Variants in PTPRK observed in about 807,000 individuals in gnomAD.
PTPRK encodes protein tyrosine phosphatase receptor type K, also known as receptor-type tyrosine-protein phosphatase kappa.
A neutral mutation model predicts 178.0 loss-of-function variants in PTPRK; 75 were observed. That is an observed-to-expected ratio of 0.42 (90% CI 0.35 to 0.51). PTPRK has a LOEUF of 0.51. Ranked by LOEUF, PTPRK falls within the 20% of genes least tolerant of loss-of-function variation. PTPRK has a pLI of 0.02. For synonymous variants in PTPRK, 637 were observed against 620.6 expected, an observed-to-expected ratio of 1.03 and a Z score of -0.39; for missense variants, 1,441 against 1,797.8, an observed-to-expected ratio of 0.80 and a Z score of 3.59.
At position 128,089,825 on chromosome 6, in the gene PTPRK, C is replaced by T. The variant is rs1386581406; in HGVS notation, c.1330G>A (p.Asp444Asn). The T allele has an allele frequency of 1.2e-6, 2 of 1,614,094 alleles. No individual in the cohort carries two copies. The highest frequency in any genetic ancestry group is 8.5e-7 in the Non-Finnish European group (1 of 1,179,998). Residue 444 changes from aspartate (D) to asparagine (N), a missense_variant, in exon 8 of 30, where the codon GAC (aspartate) becomes AAC (asparagine). Physicochemically the swap from Asp to Asn is conservative, Grantham distance 23 (BLOSUM62 1). This residue lies in a region of PTPRK where 945 missense variants were observed against 1,080.6 expected (regional missense o/e 0.87). Coordinates refer to ENST00000368226, the MANE Select transcript of PTPRK (RefSeq NM_002844.4). The stretch of plus-strand genomic sequence containing the variant: ...TGCTGAGGGGCTTTGGGGTCCATGT[C>T]CAAACAGTCTGCCTTGCTCTCGTTG... ...GHNESKADCL[D>N]MDPKAPQHVV...
Position 128,513,029 on chromosome 6 carries a change from C to G in PTPRK, c.100+7230G>C, listed in dbSNP as rs1857405602. 2.6e-5 allele frequency among the ~76,000 whole-genome samples: 4 copies of G among 152,088 alleles called. No homozygotes were observed. In the South Asian group the frequency reaches 8.3e-4, roughly 32 times the overall value. On this transcript the variant is annotated intron_variant, in intron 1 of 29. Coordinates refer to ENST00000368226, the MANE Select transcript of PTPRK (RefSeq NM_002844.4). ...AAGAGTATGTTTATCTTTAAATATT[C>G]TTATACAAAATATTCATAACCAAAA...
At chr6:128,391,244 C>T (rs1242213255) in intron 2 of PTPRK, among the ~76,000 whole-genome samples, 1 of 152,044 alleles carries the variant, frequency 6.6e-6, no homozygotes, top group Non-Finnish European at 1.5e-5. Context: ...ATATCCAGTA[C>T]TTTTTGAGGT....
intron 14 of PTPRK, among the ~76,000 whole-genome samples, chr6:128,007,886 A>G (rs1778611957): frequency 6.6e-6 from 1 of 151,044 alleles, no homozygotes; most frequent in South Asian, 2.1e-4. Flanking sequence ...GGTGATTTTT[A>G]TTGATCTTTA....
chr6:128,502,318 GTCT>G (rs974699329), intron 1 of PTPRK, among the ~76,000 whole-genome samples: 5 of 152,302 alleles, frequency 3.3e-5, no homozygotes, highest in African/African-American at 9.6e-5. Flanking sequence ...CAGAAAAACA[GTCT>G]TCTTCTTGGG....
At chr6:128,515,975 A>G (rs1013157225) in intron 1 of PTPRK, among the ~76,000 whole-genome samples, 1 of 152,176 alleles carries the variant, frequency 6.6e-6, no homozygotes, top group Non-Finnish European at 1.5e-5. Flanking sequence ...ATTAAATATT[A>G]CCTTAAAGGC....
chr6:128,184,502 T>C lies in PTPRK; in HGVS notation c.1092A>G (p.Leu364=), dbSNP rs776749173. The change falls in exon 7 of 30, where the codon CTA becomes CTG. Residue 364 remains leucine (L), a synonymous_variant. Transcript: ENST00000368226. ...DPDTEYEIRV[L]LTRPGEGGTG... is the part of the protein sequence containing the mutation. ...TTCCACCTTCACCAGGTCTTGTAAGTAGAACTCGGATCTCATATTCGGTAT... is the reference window on the plus strand; with the variant it reads ...TTCCACCTTCACCAGGTCTTGTAAGCAGAACTCGGATCTCATATTCGGTAT... 3.7e-6 allele frequency: 6 copies of C among 1,613,872 alleles called. No homozygotes were observed. In the South Asian group the frequency reaches 5.5e-5, roughly 15 times the overall value.
intron 1 of PTPRK, among the ~76,000 whole-genome samples, chr6:128,424,089 C>T: frequency 6.6e-6 from 1 of 151,288 alleles, no homozygotes; most frequent in African/African-American, 2.4e-5. Context: ...AAAAATTAGC[C>T]AGGCATGCTG....
intron 3 of PTPRK, among the ~76,000 whole-genome samples, chr6:128,250,849 G>A (rs1816348685): frequency 6.6e-6 from 1 of 152,138 alleles, no homozygotes; most frequent in Non-Finnish European, 1.5e-5. Flanking sequence ...ATAACTGACA[G>A]GTGATACCAA....
intron 1 of PTPRK, among the ~76,000 whole-genome samples, chr6:128,481,035 A>G (rs998163908): frequency 6.6e-6 from 1 of 152,090 alleles, no homozygotes; most frequent in African/African-American, 2.4e-5. Context: ...CTGGACAGTC[A>G]TTTACTTTTA....
chr6:128,068,027 C>T (rs1174557008), intron 11 of PTPRK, among the ~76,000 whole-genome samples: 8 of 152,134 alleles, frequency 5.3e-5, no homozygotes, highest in African/African-American at 1.7e-4. Context: ...AAAAGAAGAA[C>T]AATCACCGTA....
chr6:128,149,817 C>A (rs2114552529), intron 7 of PTPRK, among the ~76,000 whole-genome samples: 1 of 152,254 alleles, frequency 6.6e-6, no homozygotes, highest in Non-Finnish European at 1.5e-5. Context: ...CAAACTAAAT[C>A]AGCATTGGAT....
At chr6:128,372,146 AC>A (rs1350218248) in intron 2 of PTPRK, among the ~76,000 whole-genome samples, 6 of 152,028 alleles carry the variant, frequency 3.9e-5, no homozygotes, top group Admixed American at 1.3e-4. Flanking sequence ...TCTAGCCCCA[AC>A]TTCTCGTTCT....
chr6:128,227,278 G>A (rs958663833), intron 5 of PTPRK, among the ~76,000 whole-genome samples: 2 of 152,202 alleles, frequency 1.3e-5, no homozygotes, highest in Non-Finnish European at 2.9e-5. Context: ...GCAATTTATA[G>A]AGTGAGAGGG....
intron 7 of PTPRK, among the ~76,000 whole-genome samples, chr6:128,159,489 A>G (rs753925174): frequency 2.0e-5 from 3 of 151,884 alleles, no homozygotes; most frequent in Non-Finnish European, 4.4e-5. Flanking sequence ...AATATGTTCC[A>G]TTACCACAGT....
At chr6:128,119,761 A>T (rs939876926) in intron 7 of PTPRK, among the ~76,000 whole-genome samples, 8 of 152,092 alleles carry the variant, frequency 5.3e-5, no homozygotes, top group African/African-American at 1.9e-4. Flanking sequence ...TGCAATGCTT[A>T]GGAGAATAGC....
intron 13 of PTPRK, among the ~76,000 whole-genome samples, chr6:128,063,763 T>G (rs1781277022): frequency 6.6e-6 from 1 of 152,222 alleles, no homozygotes; most frequent in African/African-American, 2.4e-5. Flanking sequence ...TCTTTATTAT[T>G]CACAAGCGTC....
At chr6:128,130,864 T>C (rs1030421101) in intron 7 of PTPRK, among the ~76,000 whole-genome samples, 2 of 152,194 alleles carry the variant, frequency 1.3e-5, no homozygotes, top group East Asian at 1.9e-4. Flanking sequence ...AACTGAATTA[T>C]AGTCTAAGAA....
At chr6:128,293,302 G>A (rs1189054451) in intron 3 of PTPRK, among the ~76,000 whole-genome samples, 1 of 152,036 alleles carries the variant, frequency 6.6e-6, no homozygotes, top group Non-Finnish European at 1.5e-5. Context: ...GGTGAAGGCT[G>A]CTCTCTGCTT....
chr6:128,178,459 TC>T (rs141426552), intron 7 of PTPRK, among the ~76,000 whole-genome samples: 3,310 of 151,994 alleles, frequency 0.022, 98 homozygotes, highest in African/African-American at 0.046. Flanking sequence ...ACCATTTTTT[TC>T]ATGTGTATTA....
Sources: allele counts gnomAD v4.1 joint callset (sites outside exome capture counted in the v4.1 genomes callset), GRCh38; gene constraint gnomAD v4.1.1; regional missense constraint gnomAD v4.1.1; transcripts MANE v1.5; gene names NCBI Gene and HGNC (gene_info 2026-07-23, HGNC 2026-07-21).